COL27A1: variants seen among roughly 807,000 people sequenced by gnomAD.
COL27A1 encodes collagen alpha-1(XXVII) chain.
A neutral mutation model predicts 251.3 loss-of-function variants in COL27A1; 106 were observed. That is an observed-to-expected ratio of 0.42 (90% confidence interval 0.36 to 0.50). The LOEUF is 0.50. Among genes scored for constraint, COL27A1 ranks in the 20% least tolerant of loss-of-function variants. The pLI, the probability that COL27A1 is intolerant of heterozygous loss-of-function variation, is 0.00. For synonymous variants in COL27A1, 1,000 were observed against 986.3 expected, an observed-to-expected ratio of 1.01 and a Z score of -0.26; for missense variants, 2,325 against 2,522.8, an observed-to-expected ratio of 0.92 and a Z score of 1.68.
chr9:114,228,295 C>T (rs1415346501), intron 14 of COL27A1, among the ~76,000 whole-genome samples: 3 of 152,216 alleles, frequency 2.0e-5, no homozygotes, highest in African/African-American at 4.8e-5. Flanking sequence ...GAGCTGCTGG[C>T]GGCCCCTCTG....
intron 12 of COL27A1, chr9:114,217,849 C>T (rs888702191): frequency 2.1e-6 from 1 of 469,874 alleles, no homozygotes; most frequent in South Asian, 1.5e-5. Context: ...CGCCATGGCT[C>T]ACACCTGTAA....
chr9:114,255,662 G>T (rs571723553), intron 27 of COL27A1, among the ~76,000 whole-genome samples: 1 of 152,098 alleles, frequency 6.6e-6, no homozygotes, highest in South Asian at 2.1e-4. Context: ...GTTGGCTCAG[G>T]CTTGGTGAAA....
chr9:114,219,276 T>C (rs1359039635), intron 12 of COL27A1, among the ~76,000 whole-genome samples: 1 of 152,194 alleles, frequency 6.6e-6, no homozygotes, highest in Non-Finnish European at 1.5e-5. Context: ...GTGGTGTGAC[T>C]TTGTGTGACC....
intron 49 of COL27A1, among the ~76,000 whole-genome samples, chr9:114,298,440 C>T (rs570399179): frequency 2.0e-5 from 3 of 152,258 alleles, no homozygotes; most frequent in Middle Eastern, 3.4e-3. Context: ...TCACACTTCC[C>T]AATTTCAAAA....
At chr9:114,156,254 G>A (rs1848115334) in intron 1 of COL27A1, among the ~76,000 whole-genome samples, 1 of 140,404 alleles carries the variant, frequency 7.1e-6, no homozygotes, top group Non-Finnish European at 1.6e-5. Flanking sequence ...TGGGGCGGGG[G>A]CAGAGCCAGC....
chr9:114,177,293 A>T (rs1020397725), intron 3 of COL27A1, among the ~76,000 whole-genome samples: 1 of 152,196 alleles, frequency 6.6e-6, no homozygotes, highest in Non-Finnish European at 1.5e-5. Flanking sequence ...AAGAGAAAAG[A>T]GATGAGGACA....
intron 1 of COL27A1, among the ~76,000 whole-genome samples, chr9:114,158,348 C>G (rs570577819): frequency 6.6e-6 from 1 of 152,278 alleles, no homozygotes; most frequent in South Asian, 2.1e-4. Flanking sequence ...GAAAACTATC[C>G]AAGCAGTCTG....
chr9:114,301,807 C>A, intron 55 of COL27A1, 90 bp downstream of exon 55: 1 of 1,293,170 alleles, frequency 7.7e-7, no homozygotes, highest in Non-Finnish European at 1.1e-6. Flanking sequence ...AAGCCTTGAC[C>A]CTGAACCCCA....
At chr9:114,302,603 G>C (rs1828726456) in intron 56 of COL27A1, among the ~76,000 whole-genome samples, 1 of 151,806 alleles carries the variant, frequency 6.6e-6, no homozygotes, top group Admixed American at 6.6e-5. Flanking sequence ...GGTGGCACCT[G>C]TAATCCCAGC....
chr9:114,207,001 G>A (rs879393227), intron 10 of COL27A1, among the ~76,000 whole-genome samples: 2 of 152,320 alleles, frequency 1.3e-5, no homozygotes, highest in Admixed American at 1.3e-4. Flanking sequence ...TGGTGGAATC[G>A]TTTCTTTTAC....
At position 114,288,692 on chromosome 9, in the gene COL27A1, T is replaced by C. The variant is rs2131617013; in HGVS notation, c.4045-10T>C. 1 of 1,605,692 alleles carries C rather than the reference T, an allele frequency of 6.2e-7. No homozygotes were observed. Among genetic ancestry groups the C allele is most frequent in the East Asian group, 2.2e-5 (1 of 44,584 alleles). ...GTGGCCCAAATTTTGCTGTTGTCTT[T>C]GTCATTCAGGGCCCTGTGGGTGATC... On this transcript the variant is annotated splice_polypyrimidine_tract_variant and intron_variant, in intron 42 of 60. Coordinates refer to ENST00000356083, the MANE Select transcript of COL27A1 (RefSeq NM_032888.4).
intron 49 of COL27A1, among the ~76,000 whole-genome samples, chr9:114,292,934 CT>C (rs1447778448): frequency 6.6e-6 from 1 of 152,146 alleles, no homozygotes. Context: ...AAAAATAGAT[CT>C]TCAAAATAAT....
intron 16 of COL27A1, among the ~76,000 whole-genome samples, chr9:114,232,900 G>A (rs1177617835): frequency 2.6e-5 from 4 of 152,190 alleles, no homozygotes; most frequent in Admixed American, 1.3e-4. Context: ...GTGAAACCCC[G>A]TCTCTACTAA....
chr9:114,281,527 G>A (rs190598487), intron 37 of COL27A1, among the ~76,000 whole-genome samples: 1 of 152,368 alleles, frequency 6.6e-6, no homozygotes. Context: ...GGAGAAGGCA[G>A]CTGACCTTTC....
At chr9:114,269,624 A>C (rs540332542) in intron 35 of COL27A1, among the ~76,000 whole-genome samples, 1 of 145,636 alleles carries the variant, frequency 6.9e-6, no homozygotes, top group East Asian at 2.0e-4. Flanking sequence ...CAAAAAAAAA[A>C]AAAAAAAAAA....
chr9:114,280,666 T>G (rs1157599513), intron 37 of COL27A1, among the ~76,000 whole-genome samples: 1 of 152,154 alleles, frequency 6.6e-6, no homozygotes, highest in Non-Finnish European at 1.5e-5. Flanking sequence ...AAGAGCAGGA[T>G]TTGTCCAGGG....
chr9:114,237,605 G>A, intron 18 of COL27A1, 57 bp from the exon 19 acceptor site: 2 of 1,422,710 alleles, frequency 1.4e-6, no homozygotes, highest in South Asian at 1.1e-5. Flanking sequence ...AACGCAGGGG[G>A]TTCATGGAAG....
intron 5 of COL27A1, among the ~76,000 whole-genome samples, chr9:114,185,983 C>T (rs937517997): frequency 4.6e-5 from 7 of 152,054 alleles, no homozygotes; most frequent in South Asian, 2.1e-4. Context: ...CTCATCCCTC[C>T]GGAGGGTGCA....
intron 49 of COL27A1, 26 bp downstream of exon 49, chr9:114,292,236 T>A: frequency 6.6e-7 from 1 of 1,513,970 alleles, no homozygotes; most frequent in Non-Finnish European, 9.0e-7. Context: ...AGAATACACA[T>A]GCCCACGCAC....
Sources: gnomAD v4.1 joint callset for allele counts (sites outside exome capture counted in the v4.1 genomes callset) on GRCh38, gnomAD v4.1.1 for gene constraint, MANE v1.5 for transcripts, NCBI Gene and HGNC (gene_info 2026-07-23, HGNC 2026-07-21) for gene names.